KIAA0319: variants seen among roughly 807,000 people sequenced by gnomAD.
KIAA0319 encodes dyslexia-associated protein KIAA0319.
In KIAA0319, 83 loss-of-function variants were observed where a neutral mutation model predicts 108.4. The ratio of observed to expected loss-of-function variants is 0.77; its 90% CI spans 0.64 to 0.92. The LOEUF is 0.92. Among genes scored for constraint, KIAA0319 ranks in the 40% least tolerant of loss-of-function variants. The pLI is 0.00. For synonymous variants in KIAA0319, 484 were observed against 510.4 expected, an observed-to-expected ratio of 0.95 and a Z score of 0.70; for missense variants, 1,195 against 1,322.4, an observed-to-expected ratio of 0.90 and a Z score of 1.49.
At chr6:24,636,172 T>C (rs1283883762) in intron 1 of KIAA0319, among the ~76,000 whole-genome samples, 1 of 152,148 alleles carries the variant, frequency 6.6e-6, no homozygotes, top group Non-Finnish European at 1.5e-5. Context: ...ACACTTTGAA[T>C]ACATACCTAC....
intron 16 of KIAA0319, among the ~76,000 whole-genome samples, chr6:24,560,326 G>T (rs536921171): frequency 6.6e-6 from 1 of 152,326 alleles, no homozygotes; most frequent in South Asian, 2.1e-4. Context: ...CACTAGCAAT[G>T]TATAAATGTT....
At chr6:24,595,499 A>T (rs1769343462) in intron 3 of KIAA0319, among the ~76,000 whole-genome samples, 1 of 141,306 alleles carries the variant, frequency 7.1e-6, no homozygotes, top group Admixed American at 7.8e-5. Context: ...GTGAGCTGAG[A>T]TCATGCCACT....
chr6:24,577,696 C>T (rs1765742507), intron 9 of KIAA0319, among the ~76,000 whole-genome samples: 1 of 152,202 alleles, frequency 6.6e-6, no homozygotes, highest in Non-Finnish European at 1.5e-5. Flanking sequence ...TCATACTCCA[C>T]ACAACCAAGA....
chr6:24,604,423 T>C (rs908990771), intron 1 of KIAA0319, among the ~76,000 whole-genome samples: 1 of 152,176 alleles, frequency 6.6e-6, no homozygotes, highest in Non-Finnish European at 1.5e-5. Context: ...AAGAATCCCA[T>C]GGATACAGAT....
intron 5 of KIAA0319, 135 bp from the exon 6 acceptor site, chr6:24,582,481 T>C (rs1307365960): frequency 1.1e-5 from 4 of 369,484 alleles, no homozygotes; most frequent in African/African-American, 8.4e-5. Flanking sequence ...TTTCTTTTTT[T>C]TTTTTAACTT....
At chr6:24,633,021 A>T (rs183974282) in intron 1 of KIAA0319, among the ~76,000 whole-genome samples, 1 of 152,296 alleles carries the variant, frequency 6.6e-6, no homozygotes, top group Non-Finnish European at 1.5e-5. Flanking sequence ...CTGGGAGAAA[A>T]TACAGGCAAG....
chr6:24,638,028 C>T (rs911151302), intron 1 of KIAA0319, among the ~76,000 whole-genome samples: 4 of 152,172 alleles, frequency 2.6e-5, no homozygotes, highest in African/African-American at 9.7e-5. Context: ...GCAACTCCCA[C>T]TGAAGACAAG....
intron 1 of KIAA0319, among the ~76,000 whole-genome samples, chr6:24,641,016 C>A (rs906233777): frequency 3.9e-5 from 6 of 152,162 alleles, no homozygotes; most frequent in Non-Finnish European, 7.4e-5. Flanking sequence ...ATCTCCACAA[C>A]TTTTTCATCA....
chr6:24,622,917 T>C (rs1486601043), intron 1 of KIAA0319, among the ~76,000 whole-genome samples: 2 of 152,150 alleles, frequency 1.3e-5, no homozygotes, highest in African/African-American at 4.8e-5. Flanking sequence ...CAGGTGCCTG[T>C]AATCCCAGCT....
chr6:24,602,807 A>G (rs1178599221), intron 1 of KIAA0319, among the ~76,000 whole-genome samples: 2 of 152,192 alleles, frequency 1.3e-5, no homozygotes, highest in East Asian at 1.9e-4. Context: ...TCTCAAAAAA[A>G]ACAAAAAAAG....
chr6:24,597,917 C>CAAAAATAA (rs1769920939), intron 2 of KIAA0319: 1 of 32,434 alleles, frequency 3.1e-5, no homozygotes, highest in Non-Finnish European at 6.4e-5. Context: ...GACCCTATCT[C>CAAAAATAA]AAAAAAAAAA....
chr6:24,591,431 G>T (rs779257307), intron 3 of KIAA0319, among the ~76,000 whole-genome samples: 5 of 152,032 alleles, frequency 3.3e-5, no homozygotes, highest in Non-Finnish European at 5.9e-5. Flanking sequence ...AACAGAGTGA[G>T]ACTCTATCTC....
At position 24,644,487 on chromosome 6, in the gene KIAA0319, A is replaced by G. The variant is rs117023711; in HGVS notation, c.-106+1249T>C. 1.3e-4 allele frequency among the ~76,000 whole-genome samples: 20 copies of G among 152,302 alleles called. No homozygotes were observed. The East Asian group carries it at 3.7e-3, about 28-fold the overall frequency. On this transcript the variant is annotated intron_variant, in intron 1 of 20. Transcript: ENST00000378214. The stretch of plus-strand genomic sequence containing the variant: ...TTGTTTATATCAATTAGCCTGTGGT[A>G]AAATTGGTTTCCTTATACCTCGTTG...
At chr6:24,587,778 T>TG (rs1213110483) in intron 4 of KIAA0319, among the ~76,000 whole-genome samples, 1 of 151,912 alleles carries the variant, frequency 6.6e-6, no homozygotes, top group Non-Finnish European at 1.5e-5. Flanking sequence ...TTAGTAGAGA[T>TG]GGGGTTTCAC....
At chr6:24,558,372 G>T (rs199820109) in intron 17 of KIAA0319, among the ~76,000 whole-genome samples, 5 of 50,112 alleles carry the variant, frequency 1.0e-4, no homozygotes, top group Non-Finnish European at 4.0e-4. Context: ...TATCTAGATA[G>T]ATAGATAGAT....
intron 1 of KIAA0319, among the ~76,000 whole-genome samples, chr6:24,644,309 T>C (rs1043180275): frequency 2.0e-5 from 3 of 152,298 alleles, no homozygotes; most frequent in African/African-American, 7.2e-5. Flanking sequence ...ACTGTAATAA[T>C]TGGGTAAATA....
Position 24,596,149 on chromosome 6 carries a change from C to A in KIAA0319, c.525G>T (p.Glu175Asp), listed in dbSNP as rs200551990. 398 of 1,614,152 alleles carry A rather than the reference C, an allele frequency of 2.5e-4. 6 individuals are homozygous for A. The South Asian group carries it at 3.9e-3, about 16-fold the overall frequency. The part of the protein sequence containing the change: ...KDLLQPSGKQ[E>D]PRGSAEYTDW... ...CCGTGTACTCGGCACTCCCTCTGGG[C>A]TCCTGCTTGCCACTGGGTTGCAAGA... Residue 175 changes from glutamate to aspartate, a missense_variant, in exon 3 of 21, where the codon GAG becomes GAT. Coordinates refer to ENST00000378214, the MANE Select transcript of KIAA0319 (RefSeq NM_014809.4).
At position 24,551,506 on chromosome 6, in the gene KIAA0319, T is replaced by G. The variant is rs1350235679; in HGVS notation, c.2968A>C (p.Arg990=). ...CCKRQKRTKI[R]KKTKYTILDN... ...AGGATGGTGTACTTTGTTTTTTTCC[T>G]GATTTTAGTCCTTTTTTGTCTGAAA... Residue 990 remains arginine, a synonymous_variant, in exon 20 of 21, where the codon AGG becomes CGG. Transcript: ENST00000378214. 1.2e-6 allele frequency: 2 copies of G among 1,609,988 alleles called. No individual in the cohort carries two copies. Among genetic ancestry groups the G allele is most frequent in the Admixed American group, 1.7e-5 (1 of 60,010 alleles).
At chr6:24,629,778 AC>A (rs2127583879) in intron 1 of KIAA0319, among the ~76,000 whole-genome samples, 1 of 152,302 alleles carries the variant, frequency 6.6e-6, no homozygotes, top group East Asian at 1.9e-4. Flanking sequence ...ATGTTACAGA[AC>A]CTTGGAGAGG....
Sources: allele counts gnomAD v4.1 joint callset (sites outside exome capture counted in the v4.1 genomes callset), GRCh38; gene constraint gnomAD v4.1.1; transcripts MANE v1.5; gene names NCBI Gene and HGNC (gene_info 2026-07-23, HGNC 2026-07-21).